Variants in CREB5 observed in about 807,000 individuals in gnomAD.
The protein encoded by CREB5 is cyclic AMP-responsive element-binding protein 5.
Under a neutral mutation model 57.1 loss-of-function variants are expected in CREB5, and 19 were observed. That is an observed-to-expected ratio of 0.33 (90% CI 0.23 to 0.49). The LOEUF (loss-of-function observed/expected upper bound fraction) is 0.49, where lower values mean the gene tolerates loss of function less well. Among genes scored for constraint, CREB5 ranks in the 20% least tolerant of loss-of-function variants. CREB5 has a pLI of 0.99. For missense variants in CREB5, 579 were observed against 671.6 expected (o/e 0.86, Z 1.52); for synonymous variants, 238 against 238.3 (o/e 1.00, Z 0.01).
intron 4 of CREB5, among the ~76,000 whole-genome samples, chr7:28,510,418 A>G (rs1792659440): frequency 6.6e-6 from 1 of 152,190 alleles, no homozygotes; most frequent in African/African-American, 2.4e-5. Flanking sequence ...AGTAAAGTGG[A>G]AGATGGATTA....
chr7:28,492,108 TC>T (rs1187001729), intron 2 of CREB5, among the ~76,000 whole-genome samples: 4 of 152,194 alleles, frequency 2.6e-5, no homozygotes, highest in Admixed American at 2.0e-4. Flanking sequence ...CAAGCGATTC[TC>T]CTGCCTCAGC....
At chr7:28,471,166 GT>G (rs1790788269) in intron 1 of CREB5, among the ~76,000 whole-genome samples, 1 of 152,132 alleles carries the variant, frequency 6.6e-6, no homozygotes, top group Non-Finnish European at 1.5e-5. Flanking sequence ...GTCCTGGAGA[GT>G]TTTTCCAATG....
chr7:28,531,450 G>A (rs1291897743), intron 4 of CREB5, among the ~76,000 whole-genome samples: 2 of 152,084 alleles, frequency 1.3e-5, no homozygotes, highest in Admixed American at 6.6e-5. Flanking sequence ...TTCATCCTGT[G>A]TGTGTCTGTG....
chr7:28,579,011 A>C (rs1415452402), intron 5 of CREB5, among the ~76,000 whole-genome samples: 1 of 152,242 alleles, frequency 6.6e-6, no homozygotes, highest in African/African-American at 2.4e-5. Flanking sequence ...TCAATGAGGC[A>C]GTGCAACATC....
At chr7:28,527,846 T>C (rs918440305) in intron 4 of CREB5, among the ~76,000 whole-genome samples, 5 of 152,144 alleles carry the variant, frequency 3.3e-5, no homozygotes, top group African/African-American at 1.2e-4. Flanking sequence ...AATATACTTA[T>C]TGTTTGTTTC....
intron 1 of CREB5, among the ~76,000 whole-genome samples, chr7:28,397,482 G>T (rs1038046022): frequency 6.6e-6 from 1 of 152,176 alleles, no homozygotes; most frequent in Non-Finnish European, 1.5e-5. Flanking sequence ...GATTGTGGGG[G>T]TATTGAGAAT....
At chr7:28,310,409 C>T (rs1260908410) in intron 1 of CREB5, among the ~76,000 whole-genome samples, 2 of 152,190 alleles carry the variant, frequency 1.3e-5, no homozygotes, top group Non-Finnish European at 2.9e-5. Context: ...GACAGAAAGC[C>T]TGGAGAACCA....
At chr7:28,612,425 A>T (rs1797426666) in intron 5 of CREB5, among the ~76,000 whole-genome samples, 1 of 151,952 alleles carries the variant, frequency 6.6e-6, no homozygotes, top group Non-Finnish European at 1.5e-5. Context: ...GGTACAGGAG[A>T]CACTTTAAAA....
chr7:28,532,182 G>A (rs1005158736), intron 4 of CREB5, among the ~76,000 whole-genome samples: 3 of 152,180 alleles, frequency 2.0e-5, no homozygotes, highest in South Asian at 2.1e-4. Flanking sequence ...AGAGGTCCAC[G>A]TGGCCAGGAG....
At chr7:28,333,544 C>T (rs1179889201) in intron 1 of CREB5, among the ~76,000 whole-genome samples, 1 of 152,000 alleles carries the variant, frequency 6.6e-6, no homozygotes. Flanking sequence ...CTCCATCCAC[C>T]CACTACCTTT....
At chr7:28,360,889 TG>T (rs753680141) in intron 1 of CREB5, among the ~76,000 whole-genome samples, 2 of 152,150 alleles carry the variant, frequency 1.3e-5, no homozygotes, top group African/African-American at 2.4e-5. Context: ...GATTCTCCAC[TG>T]GGGGAAGCTT....
intron 1 of CREB5, among the ~76,000 whole-genome samples, chr7:28,450,240 A>G (rs2128567413): frequency 6.6e-6 from 1 of 152,324 alleles, no homozygotes; most frequent in East Asian, 1.9e-4. Context: ...TTTGTGTTGA[A>G]CCAAAATAAT....
chr7:28,767,450 ATAACT>A (rs1467177655), intron 7 of CREB5, among the ~76,000 whole-genome samples: 1 of 152,216 alleles, frequency 6.6e-6, no homozygotes, highest in African/African-American at 2.4e-5. Context: ...CTATTAGAAA[ATAACT>A]TAACAAACCT....
chr7:28,618,143 G>A (rs565699908), intron 5 of CREB5, among the ~76,000 whole-genome samples: 1 of 152,286 alleles, frequency 6.6e-6, no homozygotes, highest in Non-Finnish European at 1.5e-5. Context: ...TTCAGCTAGG[G>A]GAGCTGGAGG....
chr7:28,301,458 C>T (rs1009289266), intron 1 of CREB5, among the ~76,000 whole-genome samples: 11 of 152,122 alleles, frequency 7.2e-5, no homozygotes, highest in Admixed American at 2.0e-4. Flanking sequence ...GGGCTTGGCC[C>T]GAAAGTCTGA....
chr7:28,398,286 G>A (rs561952830), intron 1 of CREB5, among the ~76,000 whole-genome samples: 1 of 152,276 alleles, frequency 6.6e-6, no homozygotes, highest in South Asian at 2.1e-4. Context: ...AGCGCTCCAT[G>A]GTGAAGGAAT....
At chr7:28,381,309 A>G (rs906181852) in intron 1 of CREB5, among the ~76,000 whole-genome samples, 5 of 152,228 alleles carry the variant, frequency 3.3e-5, no homozygotes, top group African/African-American at 1.2e-4. Context: ...CTTCCTCATA[A>G]CAGGAAGTTT....
chr7:28,504,365 A>C (rs1000710623), intron 3 of CREB5, among the ~76,000 whole-genome samples: 4 of 152,206 alleles, frequency 2.6e-5, no homozygotes, highest in African/African-American at 9.7e-5. Flanking sequence ...AGCCCCAGTG[A>C]TTTCTAGATC....
intron 1 of CREB5, among the ~76,000 whole-genome samples, chr7:28,384,139 C>G (rs1180861326): frequency 6.6e-6 from 1 of 152,084 alleles, no homozygotes; most frequent in Admixed American, 6.6e-5. Flanking sequence ...AGGTTAGCAG[C>G]CAGACATCAC....
Sources: allele counts gnomAD v4.1 joint callset (sites outside exome capture counted in the v4.1 genomes callset), GRCh38; gene constraint gnomAD v4.1.1; transcripts MANE v1.5; gene names NCBI Gene and HGNC (gene_info 2026-07-23, HGNC 2026-07-21).